The following SNX29 variants were observed in gnomAD, a reference collection of about 807,000 sequenced individuals.
SNX29 encodes the protein sorting nexin-29.
Under a neutral mutation model 102.1 loss-of-function variants are expected in SNX29, and 78 were observed. The observed-to-expected ratio is 0.76, with a 90% confidence interval of 0.64 to 0.92. SNX29 has a LOEUF of 0.92. Ranked by LOEUF, SNX29 falls within the 40% of genes least tolerant of loss-of-function variation. The probability of loss-of-function intolerance (pLI) is 0.00; values close to 1 mark genes in which losing one functional copy is unlikely to be tolerated. For missense variants in SNX29, 1,280 were observed against 1,061.7 expected, an observed-to-expected ratio of 1.21 and a Z score of -2.86; for synonymous variants, 580 against 414.5, an observed-to-expected ratio of 1.40 and a Z score of -4.85.
chr16:12,180,721 A>T (rs1336168530), intron 13 of SNX29, among the ~76,000 whole-genome samples: 1 of 152,056 alleles, frequency 6.6e-6, no homozygotes, highest in Non-Finnish European at 1.5e-5. Context: ...TCTTGACCTC[A>T]TGATCCACCG....
At chr16:12,532,962 C>T (rs973474334) in intron 20 of SNX29, among the ~76,000 whole-genome samples, 3 of 152,200 alleles carry the variant, frequency 2.0e-5, no homozygotes, top group East Asian at 3.9e-4. Context: ...ACCCAGGGAG[C>T]GGGTGGCGCA....
intron 17 of SNX29, among the ~76,000 whole-genome samples, chr16:12,400,206 G>A (rs930258525): frequency 5.9e-5 from 9 of 152,154 alleles, no homozygotes; most frequent in Non-Finnish European, 1.0e-4. Flanking sequence ...TGGAGCTTAC[G>A]AAGAAGGCCC....
At chr16:12,029,898 T>C (rs1343256647) in intron 4 of SNX29, among the ~76,000 whole-genome samples, 1 of 152,014 alleles carries the variant, frequency 6.6e-6, no homozygotes, top group East Asian at 1.9e-4. Context: ...GGCTGGAATT[T>C]GATGTTCTTT....
chr16:12,079,111 C>T (rs373375287), intron 11 of SNX29, among the ~76,000 whole-genome samples, 196 bp downstream of exon 11: 1 of 152,186 alleles, frequency 6.6e-6, no homozygotes, highest in African/African-American at 2.4e-5. Context: ...TGGGCGTGTG[C>T]GCGCTAAAGG....
intron 19 of SNX29, among the ~76,000 whole-genome samples, chr16:12,479,201 A>G (rs1322659961): frequency 6.6e-6 from 1 of 152,194 alleles, no homozygotes; most frequent in African/African-American, 2.4e-5. Context: ...GATGCTGTTC[A>G]TGAGGAAGTA....
At chr16:12,436,237 C>T (rs2085533571) in intron 18 of SNX29, among the ~76,000 whole-genome samples, 1 of 152,198 alleles carries the variant, frequency 6.6e-6, no homozygotes, top group Non-Finnish European at 1.5e-5. Context: ...CACGCCTCCT[C>T]CCTGGGCCCA....
intron 5 of SNX29, among the ~76,000 whole-genome samples, chr16:12,043,440 G>T (rs1386671536): frequency 6.6e-6 from 1 of 151,728 alleles, no homozygotes; most frequent in Non-Finnish European, 1.5e-5. Flanking sequence ...TTGCAGCCTG[G>T]ACCTCCCTGG....
At chr16:12,285,145 A>G (rs2079551546) in intron 15 of SNX29, among the ~76,000 whole-genome samples, 1 of 152,218 alleles carries the variant, frequency 6.6e-6, no homozygotes, top group South Asian at 2.1e-4. Flanking sequence ...TCACTTAGGT[A>G]AAGCTTTGTA....
At chr16:12,487,589 C>T (rs1025525399) in intron 19 of SNX29, among the ~76,000 whole-genome samples, 2 of 152,184 alleles carry the variant, frequency 1.3e-5, no homozygotes, top group African/African-American at 4.8e-5. Context: ...CAGCCGCACA[C>T]GTCCATGCCC....
At chr16:11,996,292 G>A (rs2056071029) in intron 1 of SNX29, among the ~76,000 whole-genome samples, 1 of 152,206 alleles carries the variant, frequency 6.6e-6, no homozygotes, top group Admixed American at 6.5e-5. Context: ...GCTGAGGCAG[G>A]AGAGTCGATT....
rs928336533 is a variant in SNX29 at position 12,531,267 on chromosome 16, C to T, written c.2318+6426C>T. ...GGCACTTGGCCCTATGGTCAGGGCG[C>T]ACTGGGACCTGGGGTGGAAGTCTTG... is the stretch of plus-strand genomic sequence containing the variant. On this transcript the variant is annotated intron_variant, in intron 20 of 20. Transcript: ENST00000566228. Among the ~76,000 whole-genome samples, 8 of 152,350 alleles carry T rather than the reference C, an allele frequency of 5.3e-5. No homozygotes were observed. In the South Asian group the frequency reaches 1.0e-3, roughly 20 times the overall value.
chr16:12,346,357 G>C (rs989227635), intron 15 of SNX29, among the ~76,000 whole-genome samples: 3 of 152,162 alleles, frequency 2.0e-5, no homozygotes, highest in Non-Finnish European at 4.4e-5. Context: ...GTAACCCTAA[G>C]TAAAGCACCT....
At chr16:12,414,984 A>G (rs1159552721) in intron 18 of SNX29, among the ~76,000 whole-genome samples, 1 of 152,202 alleles carries the variant, frequency 6.6e-6, no homozygotes, top group African/African-American at 2.4e-5. Context: ...CAGCCTCCCA[A>G]AGTGCTGGAA....
chr16:12,569,878 GTT>G lies in SNX29; in HGVS notation c.*1251_*1252del, dbSNP rs1225632929. The G allele has an allele frequency of 1.7e-5, 4 of 231,486 alleles. No individual in the cohort carries two copies. The highest frequency in any genetic ancestry group is 6.6e-5 in the African/African-American group (3 of 45,234). 14.3% of individuals were successfully genotyped at this position (231,486 alleles called of 1,614,324 possible). A position where few individuals can be genotyped will look rare whatever the true frequency, so the allele number is the denominator to read the frequency against. ...CGTGAAATGGACTATGCAAGAGTAAGTTTGTGTGTTTCGCCTTAATCTGAGGC... is the reference window on the plus strand; with the variant it reads ...CGTGAAATGGACTATGCAAGAGTAAGTGTGTGTTTCGCCTTAATCTGAGGC... On this transcript the variant is annotated 3_prime_UTR_variant, in exon 21 of 21. Coordinates refer to ENST00000566228, the MANE Select transcript of SNX29 (RefSeq NM_032167.5).
At chr16:11,996,127 G>A (rs2056063824) in intron 1 of SNX29, among the ~76,000 whole-genome samples, 1 of 152,096 alleles carries the variant, frequency 6.6e-6, no homozygotes, top group South Asian at 2.1e-4. Context: ...TTTTGGGCTG[G>A]GTGTGGTGGC....
At chr16:12,321,750 A>G (rs891161851) in intron 15 of SNX29, among the ~76,000 whole-genome samples, 2 of 152,116 alleles carry the variant, frequency 1.3e-5, no homozygotes, top group Admixed American at 6.6e-5. Context: ...GCCCAAACAG[A>G]TGGCAGGTGT....
intron 14 of SNX29, among the ~76,000 whole-genome samples, chr16:12,241,440 G>T (rs1370499113): frequency 6.6e-6 from 1 of 151,962 alleles, no homozygotes; most frequent in Non-Finnish European, 1.5e-5. Flanking sequence ...GTGTTGGTCT[G>T]TCTGTATTTC....
At chr16:12,023,371 A>AC in intron 3 of SNX29, among the ~76,000 whole-genome samples, 1 of 143,930 alleles carries the variant, frequency 6.9e-6, no homozygotes, top group Admixed American at 7.3e-5. Flanking sequence ...TATTCTGGGA[A>AC]CCCCCCAGCC....
At chr16:12,148,469 A>C (rs1372493451) in intron 13 of SNX29, among the ~76,000 whole-genome samples, 1 of 152,168 alleles carries the variant, frequency 6.6e-6, no homozygotes, top group African/African-American at 2.4e-5. Context: ...CGTTAGCTAC[A>C]TCTTAGTAGA....
Sources: gnomAD v4.1 joint callset for allele counts (sites outside exome capture counted in the v4.1 genomes callset) on GRCh38, gnomAD v4.1.1 for gene constraint, MANE v1.5 for transcripts, NCBI Gene and HGNC (gene_info 2026-07-23, HGNC 2026-07-21) for gene names.